ASH2L: variants seen among roughly 807,000 people sequenced by gnomAD.
ASH2L encodes the protein ASH2 like, histone lysine methyltransferase complex subunit, also known as set1/Ash2 histone methyltransferase complex subunit ASH2.
ASH2L carries 30 observed loss-of-function variants against 81.1 expected under a neutral mutation model. The ratio of observed to expected loss-of-function variants is 0.37; its 90% CI spans 0.28 to 0.50. The LOEUF (loss-of-function observed/expected upper bound fraction) is 0.50. Ranked by LOEUF, ASH2L falls within the 20% of genes least tolerant of loss-of-function variation. The pLI is 0.95. For synonymous variants in ASH2L, 273 were observed against 279.9 expected (o/e 0.98, Z 0.24); for missense variants, 559 against 792.1 (o/e 0.71, Z 3.53).
In ASH2L at chr8:38,138,742, T is replaced by A. The variant is rs1802370033; in HGVS notation, c.1720-74T>A. On this transcript the variant is annotated intron_variant, in intron 14 of 15. Transcript: ENST00000343823. ...TGTAGCCACATTTAAAGTGAAAATT[T>A]CCTGTGTCAAATTAACTTTTCCAAT... 3 of 1,310,132 alleles carry A rather than the reference T, an allele frequency of 2.3e-6. No homozygotes were observed. In the African/African-American group the frequency reaches 4.4e-5, roughly 19 times the overall value. The allele number at this position is 1,310,132 out of a possible 1,614,324, so 81.2% of individuals were successfully genotyped here. A position where few individuals can be genotyped will look rare whatever the true frequency, so the allele number is the denominator to read the frequency against.
Position 38,106,442 on chromosome 8 carries a change from C to G in ASH2L, c.253C>G (p.Leu85Val), listed in dbSNP as rs1199269822. The G allele has an allele frequency of 6.2e-7, 1 of 1,611,388 alleles. No individual in the cohort carries two copies. The highest frequency in any genetic ancestry group is 1.7e-5 in the Admixed American group (1 of 59,866). ...AGAATCATCTAATGGAAAAGATACA[C>G]TAGTAAGTATTTTTAGTTGTTTGCA... ...ETESSNGKDT[L>V]EGAGDTSEVM... Residue 85 changes from leucine (L) to valine (V), a missense_variant and splice_region_variant, in exon 2 of 16, where the codon CTA becomes GTA. Physicochemically the swap from Leu to Val is conservative, Grantham distance 32 (BLOSUM62 1). Around this residue, in one of 4 missense-constraint regions of ASH2L, gnomAD observed 145 missense variants for 115.5 expected, o/e 1.26. Transcript: ENST00000343823.
chr8:38,110,533 A>AG (rs1168307602), intron 4 of ASH2L, 66 bp downstream of exon 4: 1 of 1,480,104 alleles, frequency 6.8e-7, no homozygotes. Context: ...ATCTGGGCGT[A>AG]GCAGAATCAG....
intron 1 of ASH2L, chr8:38,106,158 G>A (rs1430198110): frequency 1.3e-6 from 2 of 1,531,656 alleles, no homozygotes; most frequent in East Asian, 2.5e-5. Context: ...GACTGTAAAG[G>A]CCGGTTAGGC....
intron 9 of ASH2L, 38 bp from the exon 10 acceptor site, chr8:38,120,894 G>C (rs1180798571): frequency 1.3e-6 from 2 of 1,560,754 alleles, no homozygotes; most frequent in Non-Finnish European, 1.8e-6. Context: ...AGCTAAAGGG[G>C]GTTTTAGTTT....
In ASH2L at chr8:38,139,505, A is replaced by C. The variant is rs1489284852; in HGVS notation, c.*434A>C. 6.4e-6 allele frequency: 1 copy of C among 156,128 alleles called. No homozygotes were observed. The highest frequency in any genetic ancestry group is 1.4e-5 in the Non-Finnish European group (1 of 70,286). 9.7% of individuals were successfully genotyped at this position (156,128 alleles called of 1,614,324 possible). A position where few individuals can be genotyped will look rare whatever the true frequency, so the allele number is the denominator to read the frequency against. ...TAACCTGTTTCTGAGAACACCTGAA[A>C]TCAATGGCTATACATTCCAAACCAA... On this transcript the variant is annotated 3_prime_UTR_variant, in exon 16 of 16. Transcript: ENST00000343823.
rs1802403241 is a variant in ASH2L at position 38,139,791 on chromosome 8, G to A, written c.*720G>A. 1 of 152,188 alleles carries A rather than the reference G, an allele frequency of 6.6e-6. No individual in the cohort carries two copies. The highest frequency in any genetic ancestry group is 6.6e-5 in the Admixed American group (1 of 15,260). 9.4% of individuals were successfully genotyped at this position (152,188 alleles called of 1,614,324 possible). A position where few individuals can be genotyped will look rare whatever the true frequency, so the allele number is the denominator to read the frequency against. On this transcript the variant is annotated 3_prime_UTR_variant, in exon 16 of 16. Transcript: ENST00000343823. ...AGCACGAGGAAGGGAGCTGGCACTGGGAGGAAGAGCCGGGTTTCTGAGTTG... is the reference window on the plus strand; with the variant it reads ...AGCACGAGGAAGGGAGCTGGCACTGAGAGGAAGAGCCGGGTTTCTGAGTTG...
chr8:38,138,895 G>A lies in ASH2L; in HGVS notation c.1779+20G>A, dbSNP rs370928232. 2 of 1,613,602 alleles carry A rather than the reference G, an allele frequency of 1.2e-6. No individual in the cohort carries two copies. The highest frequency in any genetic ancestry group is 1.3e-5 in the African/African-American group (1 of 74,878). Reference sequence around the variant, plus strand: ...CGCCCTGTGAGTAACATTACAAATGGCTGCATGTGTCCTCAGCATCTCCGT... The same window carrying A: ...CGCCCTGTGAGTAACATTACAAATGACTGCATGTGTCCTCAGCATCTCCGT... On this transcript the variant is annotated intron_variant, in intron 15 of 15. Transcript: ENST00000343823.
chr8:38,123,623 G>T (rs1459560775), intron 10 of ASH2L, among the ~76,000 whole-genome samples: 1 of 152,072 alleles, frequency 6.6e-6, no homozygotes, highest in Non-Finnish European at 1.5e-5. Flanking sequence ...ATGTATGTTT[G>T]GAGTGAGGAT....
At chr8:38,114,678 GTGAAA>G (rs1810819930) in intron 6 of ASH2L, 1 of 498,384 alleles carries the variant, frequency 2.0e-6, no homozygotes, top group Non-Finnish European at 3.6e-6. Context: ...GCTTATCTTT[GTGAAA>G]TAGAAGGATA....
chr8:38,123,430 T>G (rs1801711813), intron 10 of ASH2L: 1 of 152,244 alleles, frequency 6.6e-6, no homozygotes, highest in Admixed American at 6.5e-5. Context: ...CTAAGTAGAT[T>G]ATAGCATTTA....
chr8:38,106,203 A>G, intron 1 of ASH2L, 175 bp from the exon 2 acceptor site: 1 of 1,461,702 alleles, frequency 6.8e-7, no homozygotes, highest in Non-Finnish European at 9.3e-7. Context: ...ACTGTCTGAC[A>G]TGTCCACCTT....
At chr8:38,123,314 G>T (rs142040534) in intron 10 of ASH2L, 3,349 of 152,158 alleles carry the variant, frequency 0.022, 65 homozygotes, top group Middle Eastern at 0.058. Context: ...TTGAACTCTG[G>T]ACCTTGTGAT....
In ASH2L at chr8:38,129,745, G is replaced by A. The variant is rs116554891; in HGVS notation, c.1527+794G>A. Among the ~76,000 whole-genome samples, 16 of 152,258 alleles carry A rather than the reference G, an allele frequency of 1.1e-4. No individual in the cohort carries two copies. In the South Asian group the frequency reaches 2.3e-3, roughly 22 times the overall value. On this transcript the variant is annotated intron_variant, in intron 12 of 15. Coordinates refer to ENST00000343823, the MANE Select transcript of ASH2L (RefSeq NM_004674.5). Reference sequence around the variant, plus strand: ...GAACTTAAATGGGCTCATGCAGTCTGTAGTCTTTTATATCTGGCTTTTGAG... The same window carrying A: ...GAACTTAAATGGGCTCATGCAGTCTATAGTCTTTTATATCTGGCTTTTGAG...
intron 10 of ASH2L, among the ~76,000 whole-genome samples, chr8:38,124,992 C>T (rs1394616637): frequency 1.3e-5 from 2 of 152,046 alleles, no homozygotes; most frequent in African/African-American, 4.8e-5. Flanking sequence ...GAGGGAGGTG[C>T]CAGGCTCTTT....
chr8:38,108,270 T>C (rs1267498899), intron 3 of ASH2L, among the ~76,000 whole-genome samples: 1 of 152,142 alleles, frequency 6.6e-6, no homozygotes. Context: ...CAACATCTGC[T>C]GGGAAAACAC....
rs1811138891 is a variant in ASH2L at position 38,121,338 on chromosome 8, TATATATATATATATATATATA to T, written c.1165+190_1165+210del. On this transcript the variant is annotated intron_variant, in intron 10 of 15. Transcript: ENST00000343823. ...ATAAGCTCCAGCCGTTTTATTTATA[TATATATATATATATATATATA>T]TATATATATATATATATATGGTTTT... Among the ~76,000 whole-genome samples the T allele has an allele frequency of 1.1e-3, 129 of 112,920 alleles. 3 individuals carry two copies. The highest frequency in any genetic ancestry group is 1.3e-3 in the Non-Finnish European group (73 of 57,128). 74.1% of individuals were successfully genotyped at this position (112,920 alleles called of 152,430 possible).
At position 38,128,335 on chromosome 8, in the gene ASH2L, G is replaced by A. The variant is rs1369572916; in HGVS notation, c.1210G>A (p.Glu404Lys). Reference sequence around the variant, plus strand: ...AGATGACCGGCTGACTGTGGTTGGAGAGAAGGGCTACTCTATGGTGAGGGC... The same window carrying A: ...AGATGACCGGCTGACTGTGGTTGGAAAGAAGGGCTACTCTATGGTGAGGGC... ...ISDDRLTVVGEKGYSMVRASH... is the reference protein window; with the variant it reads ...ISDDRLTVVGKKGYSMVRASH... Residue 404 changes from glutamate (E) to lysine (K), a missense_variant, in exon 11 of 16, where the codon GAG becomes AAG. By Grantham distance (56) the Glu-to-Lys change is moderately conservative. Around this residue, in one of 4 missense-constraint regions of ASH2L, gnomAD observed 318 missense variants for 527.0 expected, o/e 0.60. Coordinates refer to ENST00000343823, the MANE Select transcript of ASH2L (RefSeq NM_004674.5). 1 of 1,614,064 alleles carries A rather than the reference G, an allele frequency of 6.2e-7. No homozygotes were observed. The highest frequency in any genetic ancestry group is 8.5e-7 in the Non-Finnish European group (1 of 1,180,038).
intron 12 of ASH2L, among the ~76,000 whole-genome samples, chr8:38,132,045 C>T (rs1802081892): frequency 6.6e-6 from 1 of 152,102 alleles, no homozygotes; most frequent in South Asian, 2.1e-4. Flanking sequence ...GACGGGGTTG[C>T]GCCATGTTGG....
At position 38,119,298 on chromosome 8, in the gene ASH2L, A is replaced by G; in HGVS notation, c.882A>G (p.Lys294=). 6.4e-7 allele frequency: 1 copy of G among 1,550,766 alleles called. No homozygotes were observed. Among genetic ancestry groups the G allele is most frequent in the Admixed American group, 2.0e-5 (1 of 50,850 alleles). Residue 294 remains lysine (K), a synonymous_variant, in exon 9 of 16, where the codon AAA becomes AAG. Transcript: ENST00000343823. ...GAATTGCAGCAGGAAGCAGCGGAAA[A>G]GGACGAGGAGCCAAGCGCAAACAGC... The part of the protein sequence containing the change: ...NGGIAAGSSG[K]GRGAKRKQQD...
Sources: allele counts gnomAD v4.1 joint callset (sites outside exome capture counted in the v4.1 genomes callset), GRCh38; gene constraint gnomAD v4.1.1; regional missense constraint gnomAD v4.1.1; transcripts MANE v1.5; gene names NCBI Gene and HGNC (gene_info 2026-07-23, HGNC 2026-07-21).